The following ADAMTSL1 variants were observed in gnomAD, a reference collection of about 807,000 sequenced individuals.
ADAMTSL1 encodes ADAMTS-like protein 1.
A neutral mutation model predicts 201.8 loss-of-function variants in ADAMTSL1; 126 were observed. That is an observed-to-expected ratio of 0.62 (90% CI 0.54 to 0.72). The LOEUF (loss-of-function observed/expected upper bound fraction) is 0.72. Ranked by LOEUF, ADAMTSL1 falls within the 30% of genes least tolerant of loss-of-function variation. The pLI is 0.00. For missense variants in ADAMTSL1, 2,679 were observed against 2,277.8 expected, an observed-to-expected ratio of 1.18 and a Z score of -3.59; for synonymous variants, 1,121 against 903.4, an observed-to-expected ratio of 1.24 and a Z score of -4.32.
intron 8 of ADAMTSL1, among the ~76,000 whole-genome samples, chr9:18,661,182 C>T (rs543012049): frequency 6.6e-6 from 1 of 151,996 alleles, no homozygotes; most frequent in Non-Finnish European, 1.5e-5. Flanking sequence ...TTAACTATTA[C>T]TCAACAATAC....
At chr9:18,776,014 C>T (rs1820964026) in intron 18 of ADAMTSL1, 118 bp downstream of exon 18, 4 of 1,328,274 alleles carry the variant, frequency 3.0e-6, no homozygotes, top group Non-Finnish European at 3.1e-6. Flanking sequence ...GACAGTAGAA[C>T]CCCATGGAGG....
chr9:18,596,304 C>T lies in ADAMTSL1; in HGVS notation c.474+22038C>T, dbSNP rs1156742161. ...ACAAAAATAACTATAATCAGCAGTA[C>T]GTGGTGTGGGCTTTAATTTTGTATC... is the stretch of plus-strand genomic sequence containing the variant. On this transcript the variant is annotated intron_variant, in intron 4 of 28. Transcript: ENST00000380548. Among the ~76,000 whole-genome samples the T allele has an allele frequency of 6.6e-5, 10 of 152,110 alleles. No individual in the cohort carries two copies. The South Asian group carries it at 1.0e-3, about 16-fold the overall frequency.
chr9:18,868,665 C>G (rs1168861809), intron 23 of ADAMTSL1, among the ~76,000 whole-genome samples: 1 of 152,202 alleles, frequency 6.6e-6, no homozygotes, highest in Non-Finnish European at 1.5e-5. Flanking sequence ...TTGCTCTTTG[C>G]TAAACCTTGC....
chr9:18,105,674 A>G (rs1448851166), intron 1 of ADAMTSL1, among the ~76,000 whole-genome samples: 1 of 152,230 alleles, frequency 6.6e-6, no homozygotes. Context: ...GCCAAATGCA[A>G]TAAAGGATAT....
At position 18,491,869 on chromosome 9, in the gene ADAMTSL1, G is replaced by A. The variant is rs550787263; in HGVS notation, c.64-12960G>A. Reference sequence around the variant, plus strand: ...TTACAGATAATGATGACAAATTATAGTGGCCCGATAAGGACAGGTTCTTTT... The same window carrying A: ...TTACAGATAATGATGACAAATTATAATGGCCCGATAAGGACAGGTTCTTTT... On this transcript the variant is annotated intron_variant, in intron 1 of 28. Coordinates refer to ENST00000380548, the MANE Select transcript of ADAMTSL1 (RefSeq NM_001040272.6). Among the ~76,000 whole-genome samples, 8 of 152,224 alleles carry A rather than the reference G, an allele frequency of 5.3e-5. No individual in the cohort carries two copies. The East Asian group carries it at 1.4e-3, about 26-fold the overall frequency.
rs139133860 is a variant in ADAMTSL1, at chr9:18,242,253, T to C, written c.207+78272T>C. Among the ~76,000 whole-genome samples the C allele has an allele frequency of 4.3e-3, 647 of 152,152 alleles. 5 individuals carry two copies. Among genetic ancestry groups the C allele is most frequent in the African/African-American group, 0.015 (607 of 41,558 alleles). On this transcript the variant is annotated intron_variant, in intron 2 of 29. Transcript: ENST00000680146. ...TATATCATGTTAACTGAATGAGAGA[T>C]TAAAAACCACATGATTGTCTCACTT...
chr9:18,417,539 A>T (rs1818741347), intron 2 of ADAMTSL1, among the ~76,000 whole-genome samples: 1 of 152,084 alleles, frequency 6.6e-6, no homozygotes, highest in Non-Finnish European at 1.5e-5. Flanking sequence ...TTAAATTACC[A>T]TATCAGAATG....
At chr9:17,961,690 C>A (rs753662179) in intron 1 of ADAMTSL1, among the ~76,000 whole-genome samples, 2 of 152,176 alleles carry the variant, frequency 1.3e-5, no homozygotes, top group African/African-American at 4.8e-5. Context: ...TTATGTGGAG[C>A]AGGCTTTGCT....
chr9:18,733,060 T>G, intron 15 of ADAMTSL1, among the ~76,000 whole-genome samples: 1 of 152,188 alleles, frequency 6.6e-6, no homozygotes, highest in East Asian at 1.9e-4. Context: ...TCCAAAGCAG[T>G]TACTGAGAAC....
Position 18,485,444 on chromosome 9 carries a change from C to T in ADAMTSL1, c.63+11149C>T, listed in dbSNP as rs574742813. On this transcript the variant is annotated intron_variant, in intron 1 of 28. Coordinates refer to ENST00000380548, the MANE Select transcript of ADAMTSL1 (RefSeq NM_001040272.6). Reference sequence around the variant, plus strand: ...CCTTGAAACACAAAGATAAACAAGACAGTCTTACTCCCCAGGAAGCTCACA... The same window carrying T: ...CCTTGAAACACAAAGATAAACAAGATAGTCTTACTCCCCAGGAAGCTCACA... Among the ~76,000 whole-genome samples the T allele has an allele frequency of 5.9e-5, 9 of 152,288 alleles. 1 individual carries two copies. The South Asian group carries it at 1.9e-3, about 32-fold the overall frequency.
At chr9:18,230,733 CAT>C (rs1830617215) in intron 2 of ADAMTSL1, among the ~76,000 whole-genome samples, 1 of 152,122 alleles carries the variant, frequency 6.6e-6, no homozygotes, top group Non-Finnish European at 1.5e-5. Flanking sequence ...TTTTCCTAAA[CAT>C]TATTATAATT....
chr9:18,461,730 A>T (rs993442763), intron 2 of ADAMTSL1, among the ~76,000 whole-genome samples: 4 of 152,202 alleles, frequency 2.6e-5, no homozygotes, highest in African/African-American at 9.7e-5. Flanking sequence ...ACTGAACCAC[A>T]ATAGTAGTCT....
rs1352571180 is a variant in ADAMTSL1, at chr9:18,710,661, G to GTTTTTTTTTTTTTTTTTTTTT, written c.1876+3617_1876+3618insTTTTTTTTTTTTTTTTTTTTT. On this transcript the variant is annotated intron_variant, in intron 14 of 28. Coordinates refer to ENST00000380548, the MANE Select transcript of ADAMTSL1 (RefSeq NM_001040272.6). ...TCCTTGCAGTCTTAGAAGGGCCTAA[G>GTTTTTTTTTTTTTTTTTTTTT]TTTTGTTTTGTTTTTTTTTTTTTTT... Among the ~76,000 whole-genome samples, 5 of 79,640 alleles carry GTTTTTTTTTTTTTTTTTTTTT rather than the reference G, an allele frequency of 6.3e-5. 2 individuals are homozygous for GTTTTTTTTTTTTTTTTTTTTT. Among genetic ancestry groups the GTTTTTTTTTTTTTTTTTTTTT allele is most frequent in the Non-Finnish European group, 7.4e-5 (3 of 40,726 alleles). 52.2% of individuals were successfully genotyped at this position (79,640 alleles called of 152,430 possible). A position where few individuals can be genotyped will look rare whatever the true frequency, so the allele number is the denominator to read the frequency against.
At chr9:18,318,589 T>A (rs1291858354) in intron 2 of ADAMTSL1, among the ~76,000 whole-genome samples, 1 of 152,202 alleles carries the variant, frequency 6.6e-6, no homozygotes, top group Non-Finnish European at 1.5e-5. Context: ...AACCACTGGT[T>A]CCTGACCAGA....
chr9:18,135,641 A>G (rs532050566), intron 1 of ADAMTSL1, among the ~76,000 whole-genome samples: 26 of 151,890 alleles, frequency 1.7e-4, no homozygotes, highest in Non-Finnish European at 3.5e-4. Context: ...AAAAATACAG[A>G]GTTTTCTTTT....
intron 1 of ADAMTSL1, among the ~76,000 whole-genome samples, chr9:18,134,137 A>G (rs1344774016): frequency 6.6e-6 from 1 of 152,188 alleles, no homozygotes; most frequent in Non-Finnish European, 1.5e-5. Context: ...GCACAGTGCA[A>G]TTCTGGTCAT....
At chr9:18,186,134 A>T (rs946702671) in intron 2 of ADAMTSL1, among the ~76,000 whole-genome samples, 2 of 152,184 alleles carry the variant, frequency 1.3e-5, no homozygotes, top group African/African-American at 2.4e-5. Context: ...TCTGCTTCCA[A>T]GGAGAAAATA....
At chr9:18,236,511 A>C (rs933444690) in intron 2 of ADAMTSL1, among the ~76,000 whole-genome samples, 1 of 152,252 alleles carries the variant, frequency 6.6e-6, no homozygotes, top group East Asian at 1.9e-4. Context: ...TTTCATCTGC[A>C]GTAGTACATA....
chr9:18,828,932 T>A (rs986761515), intron 22 of ADAMTSL1, among the ~76,000 whole-genome samples: 3 of 151,760 alleles, frequency 2.0e-5, no homozygotes, highest in African/African-American at 7.3e-5. Context: ...TGACCATCCA[T>A]TTCAAGAGCA....
Sources: gnomAD v4.1 joint callset for allele counts (sites outside exome capture counted in the v4.1 genomes callset) on GRCh38, gnomAD v4.1.1 for gene constraint, MANE v1.5 for transcripts, NCBI Gene and HGNC (gene_info 2026-07-23, HGNC 2026-07-21) for gene names.